Variants in YTHDC2 observed in about 807,000 individuals in gnomAD.
The protein encoded by YTHDC2 is YTH N6-methyladenosine RNA binding protein C2, also known as 3'-5' RNA helicase YTHDC2.
Under a neutral mutation model 174.9 loss-of-function variants are expected in YTHDC2, and 45 were observed. The ratio of observed to expected loss-of-function variants is 0.26; its 90% CI spans 0.20 to 0.33. The LOEUF is 0.33. Ranked by LOEUF, YTHDC2 falls within the 10% of genes least tolerant of loss-of-function variation. The pLI, the probability that YTHDC2 is intolerant of heterozygous loss-of-function variation, is 1.00. For synonymous variants in YTHDC2, 657 were observed against 574.5 expected, an observed-to-expected ratio of 1.14 and a Z score of -2.05; for missense variants, 1,650 against 1,723.7, an observed-to-expected ratio of 0.96 and a Z score of 0.76.
chr5:113,578,377 G>A (rs1778197591), intron 23 of YTHDC2, among the ~76,000 whole-genome samples: 1 of 145,594 alleles, frequency 6.9e-6, no homozygotes, highest in Non-Finnish European at 1.5e-5. Context: ...GTTTTGTTTT[G>A]TTTTGTTTTG....
intron 12 of YTHDC2, among the ~76,000 whole-genome samples, chr5:113,551,043 G>C (rs1387609252): frequency 6.6e-6 from 1 of 151,988 alleles, no homozygotes; most frequent in African/African-American, 2.4e-5. Flanking sequence ...CATATAAAAT[G>C]TTTTATTTGA....
Position 113,532,938 on chromosome 5 carries a change from T to C in YTHDC2, c.735T>C (p.Cys245=), listed in dbSNP as rs766919312. 2 of 1,614,220 alleles carry C rather than the reference T, an allele frequency of 1.2e-6. No homozygotes were observed. Among genetic ancestry groups the C allele is most frequent in the Non-Finnish European group, 1.7e-6 (2 of 1,180,042 alleles). ...FKNGIPCRIF[C]TQPRRLAAIA... is the part of the protein sequence containing the mutation. ...ATGGTATCCCCTGCCGTATATTTTGTACTCAACCAAGACGATTGGCAGCTA... is the reference window on the plus strand; with the variant it reads ...ATGGTATCCCCTGCCGTATATTTTGCACTCAACCAAGACGATTGGCAGCTA... Residue 245 remains cysteine (C), a synonymous_variant, in exon 5 of 30, where the codon TGT becomes TGC. Transcript: ENST00000161863.
At chr5:113,587,557 C>T (rs10079969) in intron 26 of YTHDC2, among the ~76,000 whole-genome samples, 8,008 of 78,336 alleles carry the variant, frequency 0.1, 2,091 homozygotes, top group African/African-American at 0.37. Context: ...ATTGTACATA[C>T]ATAATATATA....
At chr5:113,534,524 G>T in intron 6 of YTHDC2, 117 bp downstream of exon 6, 1 of 767,696 alleles carries the variant, frequency 1.3e-6, no homozygotes, top group Middle Eastern at 3.0e-4. Flanking sequence ...TTGGAATAGG[G>T]TAGAAAAGAG....
chr5:113,515,420 G>T, intron 2 of YTHDC2, 58 bp downstream of exon 2: 1 of 1,408,620 alleles, frequency 7.1e-7, no homozygotes, highest in Non-Finnish European at 9.9e-7. Context: ...AAAAAAGGGA[G>T]AAACGTTTCT....
chr5:113,578,482 A>G (rs901881105), intron 23 of YTHDC2, among the ~76,000 whole-genome samples: 1 of 152,128 alleles, frequency 6.6e-6, no homozygotes, highest in Non-Finnish European at 1.5e-5. Flanking sequence ...TAGCCTATTG[A>G]TGTGGTATAT....
intron 24 of YTHDC2, chr5:113,579,922 G>T: frequency 9.1e-6 from 9 of 985,080 alleles, no homozygotes; most frequent in Non-Finnish European, 1.1e-5. Context: ...CAAGGTAATT[G>T]TCTTAGTTTG....
chr5:113,564,198 G>A, intron 20 of YTHDC2, 67 bp downstream of exon 20: 3 of 1,437,080 alleles, frequency 2.1e-6, no homozygotes, highest in Non-Finnish European at 2.8e-6. Flanking sequence ...GCAAATGTAG[G>A]AATTTTAAAA....
intron 12 of YTHDC2, among the ~76,000 whole-genome samples, chr5:113,551,428 T>G (rs1776244628): frequency 6.6e-6 from 1 of 152,140 alleles, no homozygotes; most frequent in African/African-American, 2.4e-5. Flanking sequence ...GTTTACTGGA[T>G]TATTGATAAT....
chr5:113,515,600 C>T (rs1580459416), intron 2 of YTHDC2, among the ~76,000 whole-genome samples: 1 of 151,880 alleles, frequency 6.6e-6, no homozygotes, highest in Admixed American at 6.6e-5. Context: ...GCTTTTTCTT[C>T]TACCCAGCTT....
At chr5:113,580,388 A>G (rs915160414) in intron 24 of YTHDC2, among the ~76,000 whole-genome samples, 3 of 152,024 alleles carry the variant, frequency 2.0e-5, no homozygotes, top group African/African-American at 7.2e-5. Flanking sequence ...ATTCCATACT[A>G]TTTTCTCTTT....
intron 11 of YTHDC2, 139 bp downstream of exon 11, chr5:113,548,806 T>C: frequency 1.7e-6 from 2 of 1,163,468 alleles, no homozygotes; most frequent in East Asian, 5.5e-5. Flanking sequence ...GGGTTAATAA[T>C]TTTGAATGAC....
chr5:113,562,066 T>C lies in YTHDC2; in HGVS notation c.2322+881T>C, dbSNP rs565212040. ...TTCTAGGGAAGATTAGCAGAATGCG[T>C]TTATTTGATTCTTTAGTGTGTTTGG... On this transcript the variant is annotated intron_variant, in intron 18 of 29. Coordinates refer to ENST00000161863, the MANE Select transcript of YTHDC2 (RefSeq NM_022828.5). 6.0e-5 allele frequency among the ~76,000 whole-genome samples: 9 copies of C among 149,378 alleles called. No individual in the cohort carries two copies. The South Asian group carries it at 1.3e-3, about 21-fold the overall frequency.
rs760032003 is a variant in YTHDC2, at chr5:113,575,227, GT to G, written c.3245-4357del. On this transcript the variant is annotated intron_variant, in intron 23 of 29. Coordinates refer to ENST00000161863, the MANE Select transcript of YTHDC2 (RefSeq NM_022828.5). The stretch of plus-strand genomic sequence containing the variant: ...AACACATTTAAAATGTTCCTTCATA[GT>G]TAGACATCTTGATGATTTCAAATTA... Among the ~76,000 whole-genome samples the G allele has an allele frequency of 1.1e-3, 168 of 152,260 alleles. 1 individual carries two copies. The highest frequency in any genetic ancestry group is 1.9e-3 in the Non-Finnish European group (126 of 68,018).
At position 113,513,780 on chromosome 5, in the gene YTHDC2, C is replaced by G; in HGVS notation, c.-116C>G. 1 of 1,216,964 alleles carries G rather than the reference C, an allele frequency of 8.2e-7. No homozygotes were observed. The highest frequency in any genetic ancestry group is 1.1e-6 in the Non-Finnish European group (1 of 904,378). 75.4% of individuals were successfully genotyped at this position (1,216,964 alleles called of 1,614,324 possible). ...GGCCTTTCTGGTGACCTCAGCCCAA[C>G]ACAGGCCGTCTCCGGAGCTTCCCGG... On this transcript the variant is annotated 5_prime_UTR_variant, in exon 1 of 30. Coordinates refer to ENST00000161863, the MANE Select transcript of YTHDC2 (RefSeq NM_022828.5).
Position 113,542,373 on chromosome 5 carries a change from A to C in YTHDC2, c.1365A>C (p.Glu455Asp). The change falls in exon 10 of 30, where the codon GAA becomes GAC. Residue 455 changes from glutamate to aspartate, a missense_variant. Glu to Asp is a conservative substitution (Grantham distance 45, BLOSUM62 2). This residue lies in a region of YTHDC2 where 411 missense variants were observed against 380.6 expected (regional missense o/e 1.08). Coordinates refer to ENST00000161863, the MANE Select transcript of YTHDC2 (RefSeq NM_022828.5). ...GGDAVFSQLT[E>D]KDVNCLEPWL... The stretch of plus-strand genomic sequence containing the variant: ...ATTTTTACTGTTTTTTGTAGACTGA[A>C]AAAGATGTGAATTGCCTTGAACCAT... 3 of 1,605,364 alleles carry C rather than the reference A, an allele frequency of 1.9e-6. No homozygotes were observed. Among genetic ancestry groups the C allele is most frequent in the Non-Finnish European group, 2.5e-6 (3 of 1,177,908 alleles).
intron 23 of YTHDC2, among the ~76,000 whole-genome samples, chr5:113,569,782 C>T (rs79473751): frequency 0.051 from 7,688 of 152,184 alleles, 262 homozygotes; most frequent in Middle Eastern, 0.15. Flanking sequence ...TAGCGTGATG[C>T]CTCAGCTTTG....
At chr5:113,514,409 G>T in intron 1 of YTHDC2, 1 of 539,928 alleles carries the variant, frequency 1.9e-6, no homozygotes, top group Non-Finnish European at 3.5e-6. Context: ...CCTTTTTAAG[G>T]GGGTGTCACC....
Position 113,541,027 on chromosome 5 carries a change from C to G in YTHDC2, c.1270C>G (p.Pro424Ala). The change falls in exon 9 of 30, where the codon CCT (proline) becomes GCT (alanine). Residue 424 changes from proline (P) to alanine (A), a missense_variant. By Grantham distance (27) the Pro-to-Ala change is conservative. This residue lies in a region of YTHDC2 where 411 missense variants were observed against 380.6 expected (regional missense o/e 1.08). Coordinates refer to ENST00000161863, the MANE Select transcript of YTHDC2 (RefSeq NM_022828.5). ...CTCAGCTCAAGAAAATAGTTTCAAG[C>G]CTGAATCTCAGAGGCAGAGAACTGT... ...WYSAQENSFK[P>A]ESQRQRTVLN... is the part of the protein sequence containing the mutation. 1.2e-6 allele frequency: 2 copies of G among 1,614,012 alleles called. No individual in the cohort carries two copies. Among genetic ancestry groups the G allele is most frequent in the Non-Finnish European group, 1.7e-6 (2 of 1,179,966 alleles).
Sources: allele counts gnomAD v4.1 joint callset (sites outside exome capture counted in the v4.1 genomes callset), GRCh38; gene constraint gnomAD v4.1.1; regional missense constraint gnomAD v4.1.1; transcripts MANE v1.5; gene names NCBI Gene and HGNC (gene_info 2026-07-23, HGNC 2026-07-21).